The following ZSWIM8 variants were observed in gnomAD, a reference collection of about 807,000 sequenced individuals.
The protein encoded by ZSWIM8 is zinc finger SWIM domain-containing protein 8.
In ZSWIM8, 27 loss-of-function variants were observed where a neutral mutation model predicts 173.7. The observed-to-expected ratio is 0.16, with a 90% CI of 0.11 to 0.21. The LOEUF is 0.21. Ranked by LOEUF, ZSWIM8 falls within the 10% of genes least tolerant of loss-of-function variation. The pLI is 1.00. For missense variants in ZSWIM8, 1,627 were observed against 2,428.8 expected (o/e 0.67, Z 6.94); for synonymous variants, 958 against 962.0 (o/e 1.00, Z 0.08).
At chr10:73,799,903 A>ACTCT (rs1222223440) in intron 21 of ZSWIM8, 108 bp from the exon 22 acceptor site, 2 of 715,678 alleles carry the variant, frequency 2.8e-6, no homozygotes, top group Non-Finnish European at 4.5e-6. Flanking sequence ...ACAGAGCGAG[A>ACTCT]CTCTATCTCA....
chr10:73,788,981 C>T (rs374936528), intron 2 of ZSWIM8, 115 bp from the exon 3 acceptor site: 143 of 884,324 alleles, frequency 1.6e-4, no homozygotes, highest in East Asian at 1.2e-3. Flanking sequence ...CCCCACCCCC[C>T]GCCCTGGGGA....
rs564308378 is a variant in ZSWIM8, at chr10:73,790,088, C to T, written c.820+51C>T. On this transcript the variant is annotated intron_variant, in intron 6 of 25. Coordinates refer to ENST00000604729, the MANE Select transcript of ZSWIM8 (RefSeq NM_001367799.1). ...GTAGGAAGAAAGCCAGCTTGTAGTA[C>T]AGAGCGCCATTTACTCAAGGCTTGC... is the stretch of plus-strand genomic sequence containing the variant. The T allele has an allele frequency of 1.2e-5, 20 of 1,609,874 alleles. No individual in the cohort carries two copies. In the East Asian group the frequency reaches 2.2e-4, roughly 18 times the overall value.
rs1242584382 is a variant in ZSWIM8, at chr10:73,799,453, C to T, written c.4628C>T (p.Pro1543Leu). Residue 1543 changes from proline (P) to leucine (L), a missense_variant, in exon 21 of 26, where the codon CCT becomes CTT. Pro to Leu is a moderately conservative substitution (Grantham distance 98). This residue lies in a region of ZSWIM8 where 275 missense variants were observed against 290.1 expected (regional missense o/e 0.95). Transcript: ENST00000604729. ...PAHPMPHMPR[P>L]AVFPVPSSAY... ...CACCCCATGCCTCACATGCCCCGGC[C>T]TGCCGTCTTCCCTGTGCCCAGCTCT... 1.2e-6 allele frequency: 2 copies of T among 1,601,492 alleles called. No individual in the cohort carries two copies. Among genetic ancestry groups the T allele is most frequent in the Non-Finnish European group, 1.7e-6 (2 of 1,174,050 alleles).
At chr10:73,798,203 C>T (rs2083757297) in intron 19 of ZSWIM8, 27 bp from the exon 20 acceptor site, 1 of 1,611,428 alleles carries the variant, frequency 6.2e-7, no homozygotes, top group Non-Finnish European at 8.5e-7. Flanking sequence ...ACTAACCCAA[C>T]TCTGCCCTTC....
Position 73,800,562 on chromosome 10 carries a change from G to C in ZSWIM8, c.5003-78G>C. The C allele has an allele frequency of 6.2e-7, 1 of 1,602,178 alleles. No homozygotes were observed. The highest frequency in any genetic ancestry group is 8.5e-7 in the Non-Finnish European group (1 of 1,173,058). On this transcript the variant is annotated intron_variant, in intron 23 of 25. Coordinates refer to ENST00000604729, the MANE Select transcript of ZSWIM8 (RefSeq NM_001367799.1). The surrounding 1 kb of genome is among the most constrained non-coding windows in gnomAD (Gnocchi z 4.1). ...TCCTCTAGCTCTTCATTTGTTTACT[G>C]TGGGGTCAGGTGACAGGTTGGGGTA... is the stretch of plus-strand genomic sequence containing the variant.
rs2083733390 is a variant in ZSWIM8, at chr10:73,797,689, AG to A, written c.3662+85del. The A allele has an allele frequency of 6.4e-7, 1 of 1,567,530 alleles. No individual in the cohort carries two copies. Among genetic ancestry groups the A allele is most frequent in the Admixed American group, 1.8e-5 (1 of 55,478 alleles). ...TAGTGCAATCCAACCATTGTCTCCCAGCATCCTCACTTTCCCTGGTCCTTCC... is the reference window on the plus strand; with the variant it reads ...TAGTGCAATCCAACCATTGTCTCCCACATCCTCACTTTCCCTGGTCCTTCC... On this transcript the variant is annotated intron_variant, in intron 18 of 25. Transcript: ENST00000604729. This position sits in a 1 kb window ranked among gnomAD's most constrained non-coding sequence, Gnocchi z 5.6.
In ZSWIM8 at chr10:73,789,659, C is replaced by G; in HGVS notation, c.631-58C>G. 6.4e-7 allele frequency: 1 copy of G among 1,551,304 alleles called. No homozygotes were observed. The highest frequency in any genetic ancestry group is 8.7e-7 in the Non-Finnish European group (1 of 1,143,360). ...CCTACTCTGCCTCTCTGTCCCCCAG[C>G]TCCAGCTCCAGCAAACCTGTTCTCA... On this transcript the variant is annotated intron_variant, in intron 4 of 25. Coordinates refer to ENST00000604729, the MANE Select transcript of ZSWIM8 (RefSeq NM_001367799.1). The surrounding 1 kb of genome is among the most constrained non-coding windows in gnomAD (Gnocchi z 6.8).
At chr10:73,795,264 G>A (rs558579201) in intron 14 of ZSWIM8, among the ~76,000 whole-genome samples, 16 of 152,316 alleles carry the variant, frequency 1.1e-4, no homozygotes, top group Admixed American at 8.5e-4. Flanking sequence ...AATACACAAC[G>A]CAATCAAGTT....
Position 73,788,681 on chromosome 10 carries a change from A to G in ZSWIM8, c.220A>G (p.Ile74Val), listed in dbSNP as rs1463340374. ...CATTGTTTGCAAAGATGGACTGGTG[A>G]TCCCATTGGTGGAGCTGTCAGCAAA... ...GGTRMRDGLVIPLVELSAKQV... is the reference protein window; with the variant it reads ...GGTRMRDGLVVPLVELSAKQV... The change falls in exon 2 of 26, where the codon ATC becomes GTC. Residue 74 changes from isoleucine to valine, a missense_variant. Physicochemically the swap from Ile to Val is conservative, Grantham distance 29. Coordinates refer to ENST00000604729, the MANE Select transcript of ZSWIM8 (RefSeq NM_001367799.1). The G allele has an allele frequency of 6.2e-7, 1 of 1,613,826 alleles. No homozygotes were observed. Among genetic ancestry groups the G allele is most frequent in the African/African-American group, 1.3e-5 (1 of 74,920 alleles).
rs1157525182 is a variant in ZSWIM8, at chr10:73,793,620, G to A, written c.2346G>A (p.Ala782=). 13 of 1,610,386 alleles carry A rather than the reference G, an allele frequency of 8.1e-6. No individual in the cohort carries two copies. Among genetic ancestry groups the A allele is most frequent in the Non-Finnish European group, 9.3e-6 (11 of 1,178,052 alleles). The change falls in exon 11 of 26, where the codon GCG becomes GCA. Residue 782 remains alanine, a synonymous_variant. Coordinates refer to ENST00000604729, the MANE Select transcript of ZSWIM8 (RefSeq NM_001367799.1). ...TTGCCTGTGCTGAGGCCCTGCATGC[G>A]CATGGCTATAGCAGTGAGGCCTCCC... ...VLFACAEALH[A]HGYSSEASRL...
rs1164489943 is a variant in ZSWIM8 at position 73,799,008 on chromosome 10, C to T, written c.4183C>T (p.Leu1395=). The stretch of plus-strand genomic sequence containing the variant: ...CTGTGCCCCTCTCTTCCAGGACAAC[C>T]TGATGTTGGAGAAGGCCTGCATGGC... ...ALVQCKEQDN[L]MLEKACMAVE... is the part of the protein sequence containing the mutation. Residue 1395 remains leucine (L), a synonymous_variant, in exon 21 of 26, where the codon CTG becomes TTG. Transcript: ENST00000604729. The T allele has an allele frequency of 6.2e-7, 1 of 1,607,658 alleles. No individual in the cohort carries two copies. The highest frequency in any genetic ancestry group is 1.3e-5 in the African/African-American group (1 of 74,858).
chr10:73,797,368 G>C lies in ZSWIM8; in HGVS notation c.3434-9G>C. 1 of 1,613,604 alleles carries C rather than the reference G, an allele frequency of 6.2e-7. No individual in the cohort carries two copies. Among genetic ancestry groups the C allele is most frequent in the Non-Finnish European group, 8.5e-7 (1 of 1,179,646 alleles). On this transcript the variant is annotated splice_polypyrimidine_tract_variant and intron_variant, in intron 17 of 25. Transcript: ENST00000604729. This position sits in a 1 kb window ranked among gnomAD's most constrained non-coding sequence, Gnocchi z 5.6. Reference sequence around the variant, plus strand: ...CTGACTTCTGAGACTGACTTCTCTTGGGGGTTAGGCATGGCCAGCATTGAC... The same window carrying C: ...CTGACTTCTGAGACTGACTTCTCTTCGGGGTTAGGCATGGCCAGCATTGAC...
chr10:73,788,429 T>C (rs1316222034), intron 1 of ZSWIM8, among the ~76,000 whole-genome samples: 1 of 152,208 alleles, frequency 6.6e-6, no homozygotes, highest in Non-Finnish European at 1.5e-5. Context: ...TGGTATCTTC[T>C]GTTCTAGACC....
chr10:73,792,122 G>C lies in ZSWIM8; in HGVS notation c.1583G>C (p.Arg528Pro). Residue 528 changes from arginine (R) to proline (P), a missense_variant, in exon 10 of 26, where the codon CGG (arginine) becomes CCG (proline). Physicochemically the swap from Arg to Pro is moderately radical, Grantham distance 103. This residue lies in a region of ZSWIM8 where 383 missense variants were observed against 394.8 expected (regional missense o/e 0.97). Coordinates refer to ENST00000604729, the MANE Select transcript of ZSWIM8 (RefSeq NM_001367799.1). The surrounding 1 kb of genome is among the most constrained non-coding windows in gnomAD (Gnocchi z 4.3). Reference protein sequence around the residue: ...ASRSGGLEESRDRPRPLPTEP... With the variant: ...ASRSGGLEESPDRPRPLPTEP... The stretch of plus-strand genomic sequence containing the variant: ...CGCTCTGGGGGCCTGGAGGAATCCC[G>C]GGACCGGCCCCGACCCCTTCCTACT... The C allele has an allele frequency of 6.5e-7, 1 of 1,535,196 alleles. No individual in the cohort carries two copies. Among genetic ancestry groups the C allele is most frequent in the Non-Finnish European group, 8.8e-7 (1 of 1,138,178 alleles).
Position 73,797,337 on chromosome 10 carries a change from G to T in ZSWIM8, c.3434-40G>T, listed in dbSNP as rs757374054. The T allele has an allele frequency of 6.2e-7, 1 of 1,612,684 alleles. No individual in the cohort carries two copies. The highest frequency in any genetic ancestry group is 8.5e-7 in the Non-Finnish European group (1 of 1,179,066). ...CTGAAGGTTGGAGTCTTAACATCTG[G>T]GACTCCTGACTTCTGAGACTGACTT... is the stretch of plus-strand genomic sequence containing the variant. On this transcript the variant is annotated intron_variant, in intron 17 of 25. Coordinates refer to ENST00000604729, the MANE Select transcript of ZSWIM8 (RefSeq NM_001367799.1). The surrounding 1 kb of genome is among the most constrained non-coding windows in gnomAD (Gnocchi z 5.6).
intron 14 of ZSWIM8, chr10:73,795,091 G>A: frequency 5.8e-6 from 1 of 171,280 alleles, no homozygotes; most frequent in Non-Finnish European, 1.3e-5. Flanking sequence ...GCAACAGAGT[G>A]AAACCTTGTC....
At position 73,792,546 on chromosome 10, in the gene ZSWIM8, AGAT is replaced by A. The variant is rs1233004309; in HGVS notation, c.2009_2011del (p.Asp670del). 1 of 1,613,974 alleles carries A rather than the reference AGAT, an allele frequency of 6.2e-7. No individual in the cohort carries two copies. The highest frequency in any genetic ancestry group is 1.7e-5 in the Admixed American group (1 of 60,022). On this transcript the variant is annotated inframe_deletion, in exon 10 of 26. Transcript: ENST00000604729. This position sits in a 1 kb window ranked among gnomAD's most constrained non-coding sequence, Gnocchi z 4.3. ...CTGAGCCCCCAGATACTTATGAAGA[AGAT>A]GGTGGTGTGTACTTCTCGGAAGGGC...
chr10:73,790,796 G>A (rs1392242828), intron 7 of ZSWIM8, among the ~76,000 whole-genome samples, 179 bp from the exon 8 acceptor site: 1 of 152,092 alleles, frequency 6.6e-6, no homozygotes, highest in Non-Finnish European at 1.5e-5. Context: ...TTGCAGTGAG[G>A]TGAGATCGCG....
intron 1 of ZSWIM8, among the ~76,000 whole-genome samples, chr10:73,788,261 A>T (rs745702469): frequency 6.6e-6 from 1 of 151,756 alleles, no homozygotes; most frequent in African/African-American, 2.4e-5. Flanking sequence ...AAAAAAGGCA[A>T]TCGGAGACAA....
Sources: gnomAD v4.1 joint callset for allele counts (sites outside exome capture counted in the v4.1 genomes callset) on GRCh38, gnomAD v4.1.1 for gene constraint, gnomAD v4.1.1 regional missense constraint, Gnocchi (gnomAD v3.1) non-coding constraint, MANE v1.5 for transcripts, NCBI Gene and HGNC (gene_info 2026-07-23, HGNC 2026-07-21) for gene names.